MYO5B: variants seen among roughly 807,000 people sequenced by gnomAD.
MYO5B encodes myosin VB.
In MYO5B, 143 loss-of-function variants were observed where a neutral mutation model predicts 229.3. The ratio of observed to expected loss-of-function variants is 0.62; its 90% CI spans 0.54 to 0.72. The LOEUF is 0.72. Among genes scored for constraint, MYO5B ranks in the 30% least tolerant of loss-of-function variants. The pLI is 0.00. For synonymous variants in MYO5B, 918 were observed against 885.2 expected (o/e 1.04, Z -0.66); for missense variants, 2,321 against 2,331.0 (o/e 1.00, Z 0.09).
chr18:50,186,398 T>A (rs1457982189), intron 1 of MYO5B, among the ~76,000 whole-genome samples: 2 of 152,210 alleles, frequency 1.3e-5, no homozygotes, highest in Non-Finnish European at 2.9e-5. Flanking sequence ...AAAATGCTTT[T>A]TAATTTTCCT....
chr18:49,876,302 G>A (rs1269432252), intron 25 of MYO5B: 2 of 264,826 alleles, frequency 7.6e-6, no homozygotes, highest in African/African-American at 4.5e-5. Context: ...TGCTTGCTCT[G>A]CCCCGGAACC....
rs555146498 is a variant in MYO5B, at chr18:49,965,550, C to T, written c.1323-2520G>A. 3.9e-5 allele frequency among the ~76,000 whole-genome samples: 6 copies of T among 152,136 alleles called. No individual in the cohort carries two copies. The South Asian group carries it at 1.0e-3, about 26-fold the overall frequency. On this transcript the variant is annotated intron_variant, in intron 10 of 39. Coordinates refer to ENST00000285039, the MANE Select transcript of MYO5B (RefSeq NM_001080467.3). ...CAGTGGCCCCACTAATGAGAGCCCA[C>T]AGAACACTAAGCCCAAGTGCTCCAC...
chr18:49,952,591 G>C (rs558428359), intron 14 of MYO5B, among the ~76,000 whole-genome samples: 29 of 152,306 alleles, frequency 1.9e-4, no homozygotes, highest in Non-Finnish European at 4.0e-4. Context: ...GTTTAGGGCA[G>C]TGCCTTCCAA....
intron 1 of MYO5B, chr18:50,126,512 A>T (rs2032165665): frequency 6.4e-6 from 1 of 155,078 alleles, no homozygotes; most frequent in African/African-American, 2.4e-5. Flanking sequence ...AGTTGCCAGG[A>T]AGCTACAGAA....
At chr18:49,952,323 C>T (rs1333847993) in intron 14 of MYO5B, among the ~76,000 whole-genome samples, 3 of 152,182 alleles carry the variant, frequency 2.0e-5, no homozygotes, top group African/African-American at 4.8e-5. Context: ...AGAAAGCCTC[C>T]TAAATCCTGG....
chr18:50,187,990 C>A (rs1008419179), intron 1 of MYO5B, among the ~76,000 whole-genome samples: 2 of 152,154 alleles, frequency 1.3e-5, no homozygotes, highest in African/African-American at 4.8e-5. Flanking sequence ...GCTTTATAGA[C>A]CAGTTAGTAG....
At chr18:49,931,154 T>C (rs1790787) in intron 16 of MYO5B, among the ~76,000 whole-genome samples, 5,599 of 152,278 alleles carry the variant, frequency 0.037, 332 homozygotes, top group African/African-American at 0.13. Context: ...TGGTGCTTGA[T>C]AGATGGTGCC....
chr18:49,875,550 G>T, intron 26 of MYO5B, 137 bp downstream of exon 26: 1 of 1,172,786 alleles, frequency 8.5e-7, no homozygotes, highest in Non-Finnish European at 1.3e-6. Context: ...TGACTCCAAT[G>T]CACTAAGTAG....
chr18:50,193,827 C>T (rs565109421), intron 1 of MYO5B, among the ~76,000 whole-genome samples: 1 of 152,370 alleles, frequency 6.6e-6, no homozygotes, highest in East Asian at 1.9e-4. Context: ...CAGGTTGAAA[C>T]TCGAGGGGTC....
At chr18:50,048,083 TATA>T (rs35442968) in intron 2 of MYO5B, among the ~76,000 whole-genome samples, 142,122 of 148,298 alleles carry the variant, frequency 0.96, 68,303 homozygotes, top group South Asian at 1. Flanking sequence ...AACCTTTAAG[TATA>T]ATAATAATAA....
At chr18:49,989,229 G>A (rs1455839269) in intron 7 of MYO5B, among the ~76,000 whole-genome samples, 1 of 152,192 alleles carries the variant, frequency 6.6e-6, no homozygotes, top group African/African-American at 2.4e-5. Context: ...GGATTCATAA[G>A]CAAGTGTTAT....
chr18:50,187,421 T>C (rs1035983564), intron 1 of MYO5B, among the ~76,000 whole-genome samples: 7 of 152,188 alleles, frequency 4.6e-5, no homozygotes, highest in African/African-American at 1.4e-4. Context: ...GCATTTATGA[T>C]GTGTTCTTGC....
chr18:49,968,146 G>A (rs900773784), intron 10 of MYO5B, among the ~76,000 whole-genome samples: 4 of 152,140 alleles, frequency 2.6e-5, no homozygotes, highest in African/African-American at 9.7e-5. Context: ...TAGTACATGA[G>A]AGCCTCCCCA....
At chr18:50,138,519 G>A (rs2032369952) in intron 1 of MYO5B, among the ~76,000 whole-genome samples, 1 of 152,156 alleles carries the variant, frequency 6.6e-6, no homozygotes, top group South Asian at 2.1e-4. Context: ...AAAGGCACCA[G>A]AACAGTGTTA....
At chr18:50,111,201 T>TTCAGAGG (rs1366164480) in intron 1 of MYO5B, among the ~76,000 whole-genome samples, 5 of 152,244 alleles carry the variant, frequency 3.3e-5, no homozygotes, top group Non-Finnish European at 5.9e-5. Flanking sequence ...GCCTTGGTAA[T>TTCAGAGG]TCAGAGGTAT....
chr18:50,145,220 C>T (rs1484001617), intron 1 of MYO5B, among the ~76,000 whole-genome samples: 2 of 152,064 alleles, frequency 1.3e-5, no homozygotes, highest in African/African-American at 4.8e-5. Flanking sequence ...GGGTGCAGCT[C>T]CTCATGCCTG....
chr18:50,029,278 T>C (rs1263960068), intron 4 of MYO5B, among the ~76,000 whole-genome samples: 3 of 152,080 alleles, frequency 2.0e-5, no homozygotes, highest in Non-Finnish European at 4.4e-5. Context: ...GAGACCCAGG[T>C]GAGCAGGGAA....
intron 1 of MYO5B, among the ~76,000 whole-genome samples, chr18:50,058,186 G>T (rs2030598318): frequency 6.6e-6 from 1 of 152,164 alleles, no homozygotes; most frequent in Admixed American, 6.5e-5. Flanking sequence ...AGAATTGAAG[G>T]CCAGGTGCAG....
chr18:50,090,781 A>G (rs1187481370), intron 1 of MYO5B, among the ~76,000 whole-genome samples: 1 of 151,978 alleles, frequency 6.6e-6, no homozygotes, highest in Non-Finnish European at 1.5e-5. Context: ...CCTTGGATCC[A>G]TCCAGAAAGA....
Sources: allele counts gnomAD v4.1 joint callset (sites outside exome capture counted in the v4.1 genomes callset), GRCh38; gene constraint gnomAD v4.1.1; transcripts MANE v1.5; gene names NCBI Gene and HGNC (gene_info 2026-07-23, HGNC 2026-07-21).